The following TANGO6 variants were observed in gnomAD, a reference collection of about 807,000 sequenced individuals.
TANGO6 encodes the protein transport and Golgi organization protein 6 homolog.
In TANGO6, 90 loss-of-function variants were observed where a neutral mutation model predicts 114.2. The observed-to-expected ratio is 0.79, with a 90% CI of 0.66 to 0.94. The LOEUF (loss-of-function observed/expected upper bound fraction) is 0.94. Among genes scored for constraint, TANGO6 ranks in the 40% least tolerant of loss-of-function variants. TANGO6 has a pLI of 0.00. For missense variants in TANGO6, 1,274 were observed against 1,315.3 expected (o/e 0.97, Z 0.49); for synonymous variants, 477 against 509.8 (o/e 0.94, Z 0.87).
chr16:68,955,556 A>G (rs192775692), intron 14 of TANGO6, among the ~76,000 whole-genome samples: 2 of 152,244 alleles, frequency 1.3e-5, no homozygotes, highest in Admixed American at 6.5e-5. Context: ...TGAGACGATC[A>G]GTTGGGTCAC....
rs1331460742 is a variant in TANGO6, at chr16:68,956,801, C to T, written c.2702-17227C>T. Among the ~76,000 whole-genome samples, 6 of 151,710 alleles carry T rather than the reference C, an allele frequency of 4.0e-5. No individual in the cohort carries two copies. In the East Asian group the frequency reaches 7.7e-4, roughly 20 times the overall value. On this transcript the variant is annotated intron_variant, in intron 14 of 17. Transcript: ENST00000261778. ...TCAGGAGGCAGAGGTTACAGTGAGC[C>T]GAGATTGCGCCACTGCACTCCAGCC...
chr16:69,018,066 C>G (rs1416058154), intron 15 of TANGO6, among the ~76,000 whole-genome samples: 2 of 149,096 alleles, frequency 1.3e-5, no homozygotes, highest in Non-Finnish European at 3.0e-5. Context: ...CCATGCTTGG[C>G]TAATTTTTGT....
intron 16 of TANGO6, among the ~76,000 whole-genome samples, chr16:69,024,708 C>T (rs1290193619): frequency 6.6e-6 from 1 of 152,138 alleles, no homozygotes; most frequent in Non-Finnish European, 1.5e-5. Context: ...TAACATGTGG[C>T]CAGGAGTCTT....
chr16:68,898,984 T>C (rs1962747635), intron 7 of TANGO6, among the ~76,000 whole-genome samples: 1 of 150,886 alleles, frequency 6.6e-6, no homozygotes, highest in Non-Finnish European at 1.5e-5. Flanking sequence ...TTATTATTGG[T>C]TTACTTGGCT....
rs182041617 is a variant in TANGO6 at position 68,986,300 on chromosome 16, C to T, written c.2842+12132C>T. ...GAGGACTGAGGGGTGAGAATTAAGT[C>T]TCTGATCTCTTCTGTCGTATGCCAC... On this transcript the variant is annotated intron_variant, in intron 15 of 17. Coordinates refer to ENST00000261778, the MANE Select transcript of TANGO6 (RefSeq NM_024562.2). 2.4e-3 allele frequency among the ~76,000 whole-genome samples: 359 copies of T among 152,178 alleles called. 1 individual carries two copies. The highest frequency in any genetic ancestry group is 3.9e-3 in the Admixed American group (59 of 15,280).
chr16:68,924,500 C>G (rs1963141100), intron 12 of TANGO6, among the ~76,000 whole-genome samples: 1 of 147,962 alleles, frequency 6.8e-6, no homozygotes, highest in Admixed American at 6.8e-5. Context: ...AAAAAAAAGG[C>G]TCCTCAGCTG....
At chr16:69,012,480 C>T (rs941836769) in intron 15 of TANGO6, among the ~76,000 whole-genome samples, 1 of 142,644 alleles carries the variant, frequency 7.0e-6, no homozygotes, top group African/African-American at 2.6e-5. Context: ...CATTTGAAAC[C>T]AGGAGGTGGA....
At chr16:69,076,088 C>CTTTTTTTTTTTTTTTTTT (rs34844519) in intron 17 of TANGO6, among the ~76,000 whole-genome samples, 1 of 85,684 alleles carries the variant, frequency 1.2e-5, no homozygotes, top group Non-Finnish European at 2.1e-5. Context: ...TATTTCATTT[C>CTTTTTTTTTTTTTTTTTT]TTTTTTTTTT....
At chr16:68,867,054 A>T in intron 3 of TANGO6, 25 bp from the exon 4 acceptor site, 1 of 1,594,156 alleles carries the variant, frequency 6.3e-7, no homozygotes, top group South Asian at 1.1e-5. Flanking sequence ...GACATTCAGA[A>T]TTCACACCTT....
At chr16:68,964,563 A>ATT (rs762474177) in intron 14 of TANGO6, among the ~76,000 whole-genome samples, 56 of 133,342 alleles carry the variant, frequency 4.2e-4, no homozygotes, top group Non-Finnish European at 6.9e-4. Flanking sequence ...AAACATATTA[A>ATT]TTTTTTTTTT....
At chr16:69,053,762 C>G (rs1041035134) in intron 17 of TANGO6, among the ~76,000 whole-genome samples, 5 of 152,004 alleles carry the variant, frequency 3.3e-5, no homozygotes, top group African/African-American at 9.7e-5. Flanking sequence ...GGGGGCTTGG[C>G]AGAAAAGAAT....
intron 3 of TANGO6, among the ~76,000 whole-genome samples, chr16:68,864,540 C>T (rs1962148194): frequency 6.6e-6 from 1 of 151,950 alleles, no homozygotes; most frequent in Non-Finnish European, 1.5e-5. Flanking sequence ...GTGATCGGGC[C>T]ACTGCACTTC....
At chr16:68,941,962 A>G (rs893222649) in intron 14 of TANGO6, among the ~76,000 whole-genome samples, 19 of 151,490 alleles carry the variant, frequency 1.3e-4, no homozygotes, top group Admixed American at 3.9e-4. Context: ...TCTTAGGGGG[A>G]AAAAAAACAG....
At chr16:69,045,442 T>TAAA (rs1959840677) in intron 17 of TANGO6, among the ~76,000 whole-genome samples, 1 of 78,522 alleles carries the variant, frequency 1.3e-5, no homozygotes, top group Admixed American at 1.7e-4. Context: ...AGACTCCATC[T>TAAA]CAAAAAAAAA....
intron 3 of TANGO6, among the ~76,000 whole-genome samples, chr16:68,863,558 C>T (rs148499789): frequency 6.5e-4 from 99 of 151,748 alleles, no homozygotes; most frequent in African/African-American, 2.2e-3. Context: ...TGCAGTGAGC[C>T]GAGATCATGC....
At chr16:68,875,721 A>G (rs1476707791) in intron 5 of TANGO6, among the ~76,000 whole-genome samples, 1 of 151,482 alleles carries the variant, frequency 6.6e-6, no homozygotes, top group South Asian at 2.1e-4. Context: ...GTGAGCCGAG[A>G]TTGAGCCATT....
chr16:69,072,026 CGTGTGTGTGTGTGTGTGTGTGTGTGT>C (rs58310609), intron 17 of TANGO6, among the ~76,000 whole-genome samples: 1 of 92,986 alleles, frequency 1.1e-5, no homozygotes, highest in Admixed American at 1.1e-4. Context: ...AGAGGGAGAC[CGTGTGTGTGTGTGTGTGTGTGTGTGT>C]GTGTGTGTGT....
At chr16:68,978,150 C>G (rs1963783310) in intron 15 of TANGO6, among the ~76,000 whole-genome samples, 2 of 152,128 alleles carry the variant, frequency 1.3e-5, no homozygotes, top group African/African-American at 4.8e-5. Context: ...ATTATCAGAG[C>G]TGAGAAGAAT....
At chr16:69,014,895 CAAAA>C (rs201424773) in intron 15 of TANGO6, among the ~76,000 whole-genome samples, 4 of 97,238 alleles carry the variant, frequency 4.1e-5, no homozygotes, top group Admixed American at 2.3e-4. Context: ...GACCTTGTCT[CAAAA>C]AAAAAAAAAA....
Sources: allele counts gnomAD v4.1 joint callset (sites outside exome capture counted in the v4.1 genomes callset), GRCh38; gene constraint gnomAD v4.1.1; transcripts MANE v1.5; gene names NCBI Gene and HGNC (gene_info 2026-07-23, HGNC 2026-07-21).